Variants in SPATS1 observed in about 807,000 individuals in gnomAD.
SPATS1 encodes the protein spermatogenesis associated serine rich 1, also known as spermatogenesis-associated serine-rich protein 1.
SPATS1 carries 23 observed loss-of-function variants against 33.6 expected under a neutral mutation model. The ratio of observed to expected loss-of-function variants is 0.68; its 90% CI spans 0.49 to 0.97. SPATS1 has a LOEUF of 0.97. Ranked by LOEUF, SPATS1 falls within the 50% of genes least tolerant of loss-of-function variation. The pLI, the probability that SPATS1 is intolerant of heterozygous loss-of-function variation, is 0.00. For synonymous variants in SPATS1, 131 were observed against 125.6 expected, an observed-to-expected ratio of 1.04 and a Z score of -0.29; for missense variants, 327 against 361.0, an observed-to-expected ratio of 0.91 and a Z score of 0.76.
intron 3 of SPATS1, among the ~76,000 whole-genome samples, chr6:44,357,002 C>T (rs1788627489): frequency 6.6e-6 from 1 of 152,160 alleles, no homozygotes; most frequent in African/African-American, 2.4e-5. Context: ...TCACAGCTTC[C>T]AGAGTTTTCT....
chr6:44,372,780 G>A (rs1199952485), intron 7 of SPATS1, among the ~76,000 whole-genome samples: 2 of 152,208 alleles, frequency 1.3e-5, no homozygotes, highest in Non-Finnish European at 2.9e-5. Context: ...CTTTTAAAGA[G>A]TGCTGGTCTT....
Position 44,377,533 on chromosome 6 carries a change from A to C in SPATS1, c.*470A>C, listed in dbSNP as rs1790028275. 5.9e-6 allele frequency: 1 copy of C among 170,456 alleles called. No individual in the cohort carries two copies. The allele number at this position is 170,456 out of a possible 1,614,324, so 10.6% of individuals were successfully genotyped here. A position where few individuals can be genotyped will look rare whatever the true frequency, so the allele number is the denominator to read the frequency against. ...CATTCAATTTTAGTCAATTATATTT[A>C]GTTTTCTAAGGATGCCCTCAAATCA... On this transcript the variant is annotated 3_prime_UTR_variant, in exon 9 of 9. Coordinates refer to ENST00000674044, the MANE Select transcript of SPATS1 (RefSeq NM_001372081.1).
Position 44,377,400 on chromosome 6 carries a change from T to C in SPATS1, c.*337T>C, listed in dbSNP as rs922370221. On this transcript the variant is annotated 3_prime_UTR_variant, in exon 9 of 9. Coordinates refer to ENST00000674044, the MANE Select transcript of SPATS1 (RefSeq NM_001372081.1). ...AACCCTTTACACCTGTATACCTACA[T>C]ACCTCAGCATGTATCTTCTAAGGTC... is the stretch of plus-strand genomic sequence containing the variant. 12 of 303,576 alleles carry C rather than the reference T, an allele frequency of 4.0e-5. No individual in the cohort carries two copies. Among genetic ancestry groups the C allele is most frequent in the African/African-American group, 2.4e-4 (11 of 46,300 alleles). 18.8% of individuals were successfully genotyped at this position (303,576 alleles called of 1,614,324 possible).
chr6:44,378,089 T>C lies in SPATS1; in HGVS notation c.*1026T>C, dbSNP rs1293866483. On this transcript the variant is annotated 3_prime_UTR_variant, in exon 9 of 9. Transcript: ENST00000674044. Reference sequence around the variant, plus strand: ...CCAGGTAAGTAATACTATTGCCCTGTAGCTGCATTCCCCAGTTTAGTATTG... The same window carrying C: ...CCAGGTAAGTAATACTATTGCCCTGCAGCTGCATTCCCCAGTTTAGTATTG... 6.6e-6 allele frequency: 1 copy of C among 152,228 alleles called. No homozygotes were observed. The highest frequency in any genetic ancestry group is 1.5e-5 in the Non-Finnish European group (1 of 68,054). The allele number at this position is 152,228 out of a possible 1,614,324, so 9.4% of individuals were successfully genotyped here.
intron 5 of SPATS1, 150 bp downstream of exon 5, chr6:44,362,142 C>T (rs1045429972): frequency 2.1e-6 from 2 of 972,232 alleles, no homozygotes; most frequent in African/African-American, 3.3e-5. Flanking sequence ...GTGAAGGGGA[C>T]AGTTTGCAGG....
At chr6:44,356,443 A>G (rs1380211382) in intron 3 of SPATS1, among the ~76,000 whole-genome samples, 1 of 152,102 alleles carries the variant, frequency 6.6e-6, no homozygotes, top group Non-Finnish European at 1.5e-5. Context: ...ATTATCTCAC[A>G]TTTTCTACAG....
intron 5 of SPATS1, 141 bp downstream of exon 5, chr6:44,362,133 T>G (rs1425827920): frequency 9.5e-7 from 1 of 1,048,008 alleles, no homozygotes; most frequent in Non-Finnish European, 1.4e-6. Flanking sequence ...GACAGAAAAG[T>G]GAAGGGGACA....
chr6:44,370,148 C>A, intron 7 of SPATS1, 35 bp downstream of exon 7: 1 of 1,553,492 alleles, frequency 6.4e-7, no homozygotes, highest in Non-Finnish European at 8.8e-7. Context: ...GTTATCCCAT[C>A]TTTATTAAAT....
chr6:44,345,390 T>A (rs1787814743), intron 2 of SPATS1, among the ~76,000 whole-genome samples: 1 of 152,140 alleles, frequency 6.6e-6, no homozygotes, highest in African/African-American at 2.4e-5. Context: ...CACAAAACTT[T>A]TCAAGCAAGC....
At position 44,354,355 on chromosome 6, in the gene SPATS1, AAATAAATAAATAAATAAATG is replaced by A. The variant is rs1415126829; in HGVS notation, c.287+1483_287+1502del. 1.3e-4 allele frequency among the ~76,000 whole-genome samples: 11 copies of A among 85,742 alleles called. No individual in the cohort carries two copies. The East Asian group carries it at 2.8e-3, about 22-fold the overall frequency. 56.3% of individuals were successfully genotyped at this position (85,742 alleles called of 152,430 possible). The stretch of plus-strand genomic sequence containing the variant: ...TGTCAAAATAAATAAATAAATAAAT[AAATAAATAAATAAATAAATG>A]TCACTATAATTTCACATCTTAGAGA... On this transcript the variant is annotated intron_variant, in intron 3 of 8. Coordinates refer to ENST00000674044, the MANE Select transcript of SPATS1 (RefSeq NM_001372081.1).
At chr6:44,344,230 A>G (rs1308800899) in intron 2 of SPATS1, among the ~76,000 whole-genome samples, 1 of 152,158 alleles carries the variant, frequency 6.6e-6, no homozygotes, top group Non-Finnish European at 1.5e-5. Context: ...AGTTAGGGGT[A>G]GCAGAAGGGT....
chr6:44,358,836 C>A (rs1171750604), intron 3 of SPATS1, among the ~76,000 whole-genome samples: 1 of 152,176 alleles, frequency 6.6e-6, no homozygotes, highest in Admixed American at 6.5e-5. Flanking sequence ...TGGTGTCTGG[C>A]TTCTTTCACT....
Position 44,360,454 on chromosome 6 carries a change from C to A in SPATS1, c.296C>A (p.Ala99Asp), listed in dbSNP as rs1475192710. Residue 99 changes from alanine (A) to aspartate (D), a missense_variant, in exon 4 of 9, where the codon GCT (alanine) becomes GAT (aspartate). By Grantham distance (126) the Ala-to-Asp change is moderately radical (BLOSUM62 -2). Coordinates refer to ENST00000674044, the MANE Select transcript of SPATS1 (RefSeq NM_001372081.1). Reference protein sequence around the residue: ...PRVSAYVDTTADLDRKLSFSH... With the variant: ...PRVSAYVDTTDDLDRKLSFSH... ...TTCTGCTTTCTTTCCAGCACCACTG[C>A]TGACTTGGATCGGAAACTCTCCTTC... is the stretch of plus-strand genomic sequence containing the variant. 2.1e-5 allele frequency: 34 copies of A among 1,614,168 alleles called. No homozygotes were observed. Among genetic ancestry groups the A allele is most frequent in the Non-Finnish European group, 2.8e-5 (33 of 1,180,024 alleles).
chr6:44,342,892 GGGGGC>G (rs1309082618), intron 1 of SPATS1, 124 bp downstream of exon 1: 2 of 1,277,842 alleles, frequency 1.6e-6, no homozygotes, highest in Admixed American at 4.5e-5. Context: ...GGTTCGGGCT[GGGGGC>G]GGACTCGCTG....
In SPATS1 at chr6:44,364,326, T is replaced by G. The variant is rs536391608; in HGVS notation, c.574+2334T>G. Among the ~76,000 whole-genome samples, 4 of 152,362 alleles carry G rather than the reference T, an allele frequency of 2.6e-5. No homozygotes were observed. The East Asian group carries it at 7.7e-4, about 29-fold the overall frequency. On this transcript the variant is annotated intron_variant, in intron 5 of 8. Coordinates refer to ENST00000674044, the MANE Select transcript of SPATS1 (RefSeq NM_001372081.1). ...TTTAAAAATATTTAGTTTGTTTGGA[T>G]CAGGATCCAAGTAAGGCCCACAGAT...
At chr6:44,353,124 A>G (rs1378130032) in intron 3 of SPATS1, among the ~76,000 whole-genome samples, 1 of 152,220 alleles carries the variant, frequency 6.6e-6, no homozygotes, top group East Asian at 1.9e-4. Context: ...GGATTAATTG[A>G]GTTAATAGCT....
At chr6:44,375,775 C>T (rs1314471936) in intron 7 of SPATS1, among the ~76,000 whole-genome samples, 1 of 148,018 alleles carries the variant, frequency 6.8e-6, no homozygotes, top group Non-Finnish European at 1.5e-5. Context: ...GCACTCCAGC[C>T]TGGGCGACAG....
At chr6:44,356,622 AGGCTGCTGG>A (rs1788605752) in intron 3 of SPATS1, among the ~76,000 whole-genome samples, 1 of 152,114 alleles carries the variant, frequency 6.6e-6, no homozygotes, top group East Asian at 1.9e-4. Context: ...ACTTCCTCAC[AGGCTGCTGG>A]GGCTGAGAGT....
intron 5 of SPATS1, among the ~76,000 whole-genome samples, chr6:44,362,926 C>T (rs1344035209): frequency 6.6e-6 from 1 of 151,442 alleles, no homozygotes; most frequent in African/African-American, 2.4e-5. Context: ...GCAACCTCCG[C>T]CTCCCGGGTT....
Sources: allele counts gnomAD v4.1 joint callset (sites outside exome capture counted in the v4.1 genomes callset), GRCh38; gene constraint gnomAD v4.1.1; transcripts MANE v1.5; gene names NCBI Gene and HGNC (gene_info 2026-07-23, HGNC 2026-07-21).